The following MBOAT2 variants were observed in gnomAD, a reference collection of about 807,000 sequenced individuals.
MBOAT2 encodes membrane-bound glycerophospholipid O-acyltransferase 2.
MBOAT2 carries 28 observed loss-of-function variants against 63.4 expected under a neutral mutation model. That is an observed-to-expected ratio of 0.44 (90% CI 0.33 to 0.61). The LOEUF is 0.61. MBOAT2 is among the 20% of genes least tolerant of loss of function. MBOAT2 has a pLI of 0.03. For missense variants in MBOAT2, 470 were observed against 605.8 expected, an observed-to-expected ratio of 0.78 and a Z score of 2.35; for synonymous variants, 211 against 215.6, an observed-to-expected ratio of 0.98 and a Z score of 0.19.
intron 1 of MBOAT2, among the ~76,000 whole-genome samples, chr2:8,989,630 G>A (rs918695983): frequency 3.9e-5 from 6 of 152,254 alleles, no homozygotes; most frequent in East Asian, 1.9e-4. Flanking sequence ...AGCCAGCCAT[G>A]TGAAAAAAGA....
At chr2:8,865,245 C>T (rs184314258) in intron 9 of MBOAT2, among the ~76,000 whole-genome samples, 21 of 152,156 alleles carry the variant, frequency 1.4e-4, no homozygotes, top group Admixed American at 1.0e-3. Context: ...TCAGCAATTT[C>T]GCATGATTCA....
chr2:8,965,659 T>A (rs1669927656), intron 1 of MBOAT2, among the ~76,000 whole-genome samples: 1 of 152,174 alleles, frequency 6.6e-6, no homozygotes, highest in African/African-American at 2.4e-5. Context: ...TTCCTCCCTC[T>A]TACTAGAACA....
intron 3 of MBOAT2, among the ~76,000 whole-genome samples, chr2:8,937,050 G>A (rs1371617392): frequency 1.3e-5 from 2 of 152,028 alleles, no homozygotes; most frequent in African/African-American, 4.8e-5. Flanking sequence ...CCCTATGTTC[G>A]GCCCTTCCCT....
chr2:8,973,447 G>A (rs962080024), intron 1 of MBOAT2, among the ~76,000 whole-genome samples: 18 of 151,132 alleles, frequency 1.2e-4, no homozygotes, highest in African/African-American at 3.7e-4. Flanking sequence ...GCAGCACACC[G>A]ACATGGCACA....
At chr2:8,988,977 G>C (rs1349073610) in intron 1 of MBOAT2, among the ~76,000 whole-genome samples, 1 of 152,206 alleles carries the variant, frequency 6.6e-6, no homozygotes, top group African/African-American at 2.4e-5. Context: ...TTAAGTCTTA[G>C]AATGTTTTAA....
At chr2:8,878,873 G>A (rs1372767340) in intron 6 of MBOAT2, among the ~76,000 whole-genome samples, 4 of 151,828 alleles carry the variant, frequency 2.6e-5, no homozygotes, top group South Asian at 2.1e-4. Flanking sequence ...TCAGGAGATC[G>A]AGACCATCCC....
chr2:9,002,165 A>G (rs1672735890), intron 1 of MBOAT2, among the ~76,000 whole-genome samples: 1 of 152,210 alleles, frequency 6.6e-6, no homozygotes, highest in Non-Finnish European at 1.5e-5. Context: ...CTTCGAATAC[A>G]CGATTAATTT....
At chr2:8,864,823 C>A (rs890620974) in intron 9 of MBOAT2, among the ~76,000 whole-genome samples, 32 of 152,220 alleles carry the variant, frequency 2.1e-4, no homozygotes, top group African/African-American at 7.2e-4. Flanking sequence ...GGGGGCCTTT[C>A]ATCTCCCACC....
chr2:8,859,677 C>T (rs1661353573), intron 12 of MBOAT2, among the ~76,000 whole-genome samples: 1 of 152,078 alleles, frequency 6.6e-6, no homozygotes, highest in African/African-American at 2.4e-5. Flanking sequence ...ATTCTAAATG[C>T]TAGAGTAATA....
At chr2:8,958,364 A>G (rs1036241201) in intron 2 of MBOAT2, 133 bp downstream of exon 2, 8 of 821,854 alleles carry the variant, frequency 9.7e-6, no homozygotes, top group African/African-American at 7.0e-5. Flanking sequence ...TAAAAATATG[A>G]AAGTTGGCCT....
At chr2:8,873,900 C>G (rs965155720) in intron 7 of MBOAT2, among the ~76,000 whole-genome samples, 7 of 152,184 alleles carry the variant, frequency 4.6e-5, no homozygotes, top group African/African-American at 1.7e-4. Flanking sequence ...AAGGTCGCAT[C>G]ACCAACTCAT....
chr2:9,000,017 C>G (rs1240344519), intron 1 of MBOAT2, among the ~76,000 whole-genome samples: 2 of 152,220 alleles, frequency 1.3e-5, no homozygotes, highest in East Asian at 3.9e-4. Flanking sequence ...TTTCTGCTAC[C>G]TTGCCCTGCA....
chr2:8,996,692 C>T (rs1672334744), intron 1 of MBOAT2, among the ~76,000 whole-genome samples: 1 of 152,182 alleles, frequency 6.6e-6, no homozygotes, highest in Admixed American at 6.5e-5. Flanking sequence ...TCCCTCTTGA[C>T]CCTCCACATC....
intron 1 of MBOAT2, among the ~76,000 whole-genome samples, chr2:8,984,802 A>G (rs966514594): frequency 6.6e-6 from 1 of 152,220 alleles, no homozygotes; most frequent in African/African-American, 2.4e-5. Context: ...TTAATTTTAC[A>G]TAACTACCTT....
intron 1 of MBOAT2, among the ~76,000 whole-genome samples, chr2:8,988,690 T>G (rs1244975529): frequency 6.6e-6 from 1 of 152,206 alleles, no homozygotes; most frequent in African/African-American, 2.4e-5. Flanking sequence ...GTATTTGATT[T>G]TGAGTTATTT....
chr2:8,861,149 GGTAAAATAT>G (rs1278708407), intron 11 of MBOAT2: 1 of 152,694 alleles, frequency 6.5e-6, no homozygotes. Flanking sequence ...AATCATATTT[GGTAAAATAT>G]AGTATATAAA....
At chr2:8,996,202 T>C (rs997433679) in intron 1 of MBOAT2, among the ~76,000 whole-genome samples, 8 of 152,184 alleles carry the variant, frequency 5.3e-5, no homozygotes, top group African/African-American at 1.9e-4. Flanking sequence ...GTCTCAACAT[T>C]TGCCACTGGA....
chr2:8,916,497 C>G (rs1333338306), intron 3 of MBOAT2, among the ~76,000 whole-genome samples: 1 of 152,092 alleles, frequency 6.6e-6, no homozygotes, highest in Non-Finnish European at 1.5e-5. Flanking sequence ...GTGGAAATTG[C>G]TCAGGGAAAT....
intron 1 of MBOAT2, among the ~76,000 whole-genome samples, chr2:8,992,100 T>TA (rs1671952789): frequency 6.6e-6 from 1 of 152,256 alleles, no homozygotes; most frequent in Non-Finnish European, 1.5e-5. Context: ...GGCTTGTTGA[T>TA]AAAATGTACT....
Sources: allele counts gnomAD v4.1 joint callset (sites outside exome capture counted in the v4.1 genomes callset), GRCh38; gene constraint gnomAD v4.1.1; transcripts MANE v1.5; gene names NCBI Gene and HGNC (gene_info 2026-07-23, HGNC 2026-07-21).